The following XXYLT1 variants were observed in gnomAD, a reference collection of about 807,000 sequenced individuals.
The protein encoded by XXYLT1 is UDP-xylose:alpha-xyloside alpha-1,3-xylosyltransferase.
XXYLT1 carries 20 observed loss-of-function variants against 28.9 expected under a neutral mutation model. The observed-to-expected ratio is 0.69, with a 90% CI of 0.49 to 1.00. The LOEUF is 1.00. Among genes scored for constraint, XXYLT1 ranks in the 50% least tolerant of loss-of-function variants. The pLI is 0.00. For missense variants in XXYLT1, 542 were observed against 560.1 expected, an observed-to-expected ratio of 0.97 and a Z score of 0.33; for synonymous variants, 257 against 253.8, an observed-to-expected ratio of 1.01 and a Z score of -0.12.
chr3:195,076,875 A>C lies in XXYLT1; in HGVS notation c.786-6764T>G, dbSNP rs2108642235. Among the ~76,000 whole-genome samples, 1 of 152,292 alleles carries C rather than the reference A, an allele frequency of 6.6e-6. No individual in the cohort carries two copies. The highest frequency in any genetic ancestry group is 2.4e-5 in the African/African-American group (1 of 41,562). On this transcript the variant is annotated intron_variant, in intron 3 of 3. Coordinates refer to ENST00000310380, the MANE Select transcript of XXYLT1 (RefSeq NM_152531.5). This position sits in a 1 kb window ranked among gnomAD's most constrained non-coding sequence, Gnocchi z 5.3. Reference sequence around the variant, plus strand: ...TAAGGATCCGGGCCTGCCCTACCCCAGCAGAACCTCATCTCAACTCTTTAT... The same window carrying C: ...TAAGGATCCGGGCCTGCCCTACCCCCGCAGAACCTCATCTCAACTCTTTAT...
At chr3:195,083,470 T>G (rs907959087) in intron 3 of XXYLT1, among the ~76,000 whole-genome samples, 3 of 152,182 alleles carry the variant, frequency 2.0e-5, no homozygotes, top group Non-Finnish European at 4.4e-5. Context: ...CTCCTCAGGC[T>G]TTCCTGACAC....
intron 3 of XXYLT1, among the ~76,000 whole-genome samples, chr3:195,075,972 A>T (rs1299566498): frequency 6.6e-6 from 1 of 151,848 alleles, no homozygotes; most frequent in Non-Finnish European, 1.5e-5. Flanking sequence ...CCCCACAGAG[A>T]CCCTGTGGGG....
chr3:195,080,755 C>A (rs1715387617), intron 3 of XXYLT1, among the ~76,000 whole-genome samples: 1 of 152,162 alleles, frequency 6.6e-6, no homozygotes, highest in South Asian at 2.1e-4. Context: ...GGAATTTAAC[C>A]TTGTGTCCCC....
At chr3:195,171,856 G>C (rs1162236732) in intron 2 of XXYLT1, among the ~76,000 whole-genome samples, 2 of 152,234 alleles carry the variant, frequency 1.3e-5, no homozygotes, top group African/African-American at 4.8e-5. Flanking sequence ...CTTTACTGGA[G>C]TCATTAATAG....
chr3:195,079,104 A>T (rs1560082486), intron 3 of XXYLT1, among the ~76,000 whole-genome samples: 1 of 152,090 alleles, frequency 6.6e-6, no homozygotes, highest in East Asian at 1.9e-4. Context: ...CCGGCCCCTT[A>T]CCCAGTGTCA....
chr3:195,150,120 C>T lies in XXYLT1; in HGVS notation c.785+6329G>A, dbSNP rs1720109841. Among the ~76,000 whole-genome samples the T allele has an allele frequency of 1.3e-5, 2 of 152,264 alleles. No individual in the cohort carries two copies. Among genetic ancestry groups the T allele is most frequent in the South Asian group, 4.1e-4 (2 of 4,830 alleles). ...CTAGGTTCACAGAACTTATCAGTGG[C>T]CAAGCTGGGACTGTGGATAACGCTG... On this transcript the variant is annotated intron_variant, in intron 3 of 3. Transcript: ENST00000310380. This position sits in a 1 kb window ranked among gnomAD's most constrained non-coding sequence, Gnocchi z 4.7.
In XXYLT1 at chr3:195,257,080, C is replaced by A. The variant is rs1170164975; in HGVS notation, c.504+13475G>T. Among the ~76,000 whole-genome samples the A allele has an allele frequency of 1.3e-5, 2 of 152,200 alleles. No homozygotes were observed. The highest frequency in any genetic ancestry group is 2.9e-5 in the Non-Finnish European group (2 of 68,040). On this transcript the variant is annotated intron_variant, in intron 1 of 3. Transcript: ENST00000310380. The surrounding 1 kb of genome is among the most constrained non-coding windows in gnomAD (Gnocchi z 4.3). ...GCAGGAGAACCCGTGACAAGAGGGA[C>A]CGGGAAGCTTTCTTTACAAGCTTGA...
rs1249138349 is a variant in XXYLT1, at chr3:195,195,251, A to C, written c.652+31458T>G. On this transcript the variant is annotated intron_variant, in intron 2 of 3. Coordinates refer to ENST00000310380, the MANE Select transcript of XXYLT1 (RefSeq NM_152531.5). This position sits in a 1 kb window ranked among gnomAD's most constrained non-coding sequence, Gnocchi z 4.4. Reference sequence around the variant, plus strand: ...TCTCTTAAGTGAATTCATATAAAGCACTTAGAACAATGCCTGGGTCTCAGT... The same window carrying C: ...TCTCTTAAGTGAATTCATATAAAGCCCTTAGAACAATGCCTGGGTCTCAGT... Among the ~76,000 whole-genome samples the C allele has an allele frequency of 6.6e-6, 1 of 152,236 alleles. No individual in the cohort carries two copies. Among genetic ancestry groups the C allele is most frequent in the Non-Finnish European group, 1.5e-5 (1 of 68,038 alleles).
At chr3:195,087,051 C>A (rs1715771618) in intron 3 of XXYLT1, among the ~76,000 whole-genome samples, 1 of 152,162 alleles carries the variant, frequency 6.6e-6, no homozygotes, top group South Asian at 2.1e-4. Context: ...CCTCCTCCTG[C>A]CTCGGTGCAG....
chr3:195,196,570 A>G lies in XXYLT1; in HGVS notation c.652+30139T>C, dbSNP rs367753423. On this transcript the variant is annotated intron_variant, in intron 2 of 3. Coordinates refer to ENST00000310380, the MANE Select transcript of XXYLT1 (RefSeq NM_152531.5). Reference sequence around the variant, plus strand: ...ACATAACACAGGCAGATAGGCGGAGAAAGAGACCAGAGATGAGTCAGGCAG... The same window carrying G: ...ACATAACACAGGCAGATAGGCGGAGGAAGAGACCAGAGATGAGTCAGGCAG... 2.2e-4 allele frequency among the ~76,000 whole-genome samples: 34 copies of G among 152,350 alleles called. No homozygotes were observed. The South Asian group carries it at 7.0e-3, about 32-fold the overall frequency.
At chr3:195,156,629 A>C in intron 2 of XXYLT1, 48 bp from the exon 3 acceptor site, 1 of 1,600,728 alleles carries the variant, frequency 6.2e-7, no homozygotes, top group Non-Finnish European at 8.5e-7. Flanking sequence ...ACCTCCTGGG[A>C]GGCTCGGCCA....
chr3:195,111,872 G>T (rs1423211397), intron 3 of XXYLT1, among the ~76,000 whole-genome samples: 51 of 152,156 alleles, frequency 3.4e-4, no homozygotes, highest in Admixed American at 3.3e-3. Flanking sequence ...AGTGGCCTTC[G>T]GAAAAATATG....
chr3:195,239,258 T>C (rs1186219112), intron 1 of XXYLT1, among the ~76,000 whole-genome samples: 3 of 152,160 alleles, frequency 2.0e-5, no homozygotes, highest in Non-Finnish European at 2.9e-5. Flanking sequence ...CAAACTAACC[T>C]TCCCAAGGAT....
chr3:195,181,258 T>C (rs111861186), intron 2 of XXYLT1, among the ~76,000 whole-genome samples: 2,034 of 120,084 alleles, frequency 0.017, 52 homozygotes, highest in African/African-American at 0.075. Flanking sequence ...ACACTGGCTG[T>C]GTATCTGCGT....
chr3:195,231,097 G>A (rs1042690390), intron 1 of XXYLT1, among the ~76,000 whole-genome samples: 2 of 151,816 alleles, frequency 1.3e-5, no homozygotes, highest in Admixed American at 1.3e-4. Context: ...GCTTTCACTT[G>A]TTTGGTTAAT....
Position 195,114,307 on chromosome 3 carries a change from C to T in XXYLT1, c.785+42142G>A, listed in dbSNP as rs535721928. ...GTTTCTCCACAAAGTACAGCCACAC[C>T]ATTGCACCCAAAATGGAGGATCTGA... is the stretch of plus-strand genomic sequence containing the variant. On this transcript the variant is annotated intron_variant, in intron 3 of 3. Coordinates refer to ENST00000310380, the MANE Select transcript of XXYLT1 (RefSeq NM_152531.5). Among the ~76,000 whole-genome samples the T allele has an allele frequency of 4.1e-4, 62 of 152,288 alleles. 1 individual carries two copies. Among genetic ancestry groups the T allele is most frequent in the African/African-American group, 1.2e-4 (5 of 41,564 alleles).
intron 2 of XXYLT1, among the ~76,000 whole-genome samples, chr3:195,182,026 C>A (rs1186679736): frequency 6.6e-6 from 1 of 152,326 alleles, no homozygotes; most frequent in African/African-American, 2.4e-5. Flanking sequence ...TTTGTTGAGT[C>A]CTTGCCTTGT....
intron 3 of XXYLT1, among the ~76,000 whole-genome samples, chr3:195,143,885 TATA>T (rs1560117369): frequency 2.1e-4 from 28 of 130,950 alleles, no homozygotes; most frequent in East Asian, 6.4e-4. Flanking sequence ...TATATATATA[TATA>T]TTTATTTTTT....
chr3:195,079,625 G>A (rs981163525), intron 3 of XXYLT1, among the ~76,000 whole-genome samples: 1 of 152,128 alleles, frequency 6.6e-6, no homozygotes, highest in African/African-American at 2.4e-5. Flanking sequence ...ACGCTTGCCC[G>A]AGGTCAGCAA....
Sources: allele counts gnomAD v4.1 joint callset (sites outside exome capture counted in the v4.1 genomes callset), GRCh38; gene constraint gnomAD v4.1.1; non-coding constraint Gnocchi (gnomAD v3.1); transcripts MANE v1.5; gene names NCBI Gene and HGNC (gene_info 2026-07-23, HGNC 2026-07-21).